The following STMN3 variants were observed in gnomAD, a reference collection of about 807,000 sequenced individuals.
The protein encoded by STMN3 is stathmin 3.
A neutral mutation model predicts 23.2 loss-of-function variants in STMN3; 24 were observed. That is an observed-to-expected ratio of 1.03 (90% CI 0.75 to 1.45). The LOEUF (loss-of-function observed/expected upper bound fraction) is 1.45, where lower values mean the gene tolerates loss of function less well. Among genes scored for constraint, STMN3 ranks in the 40% most tolerant of loss-of-function variants. The probability of loss-of-function intolerance (pLI) is 0.00; values close to 1 mark genes in which losing one functional copy is unlikely to be tolerated. For synonymous variants in STMN3, 117 were observed against 103.4 expected (o/e 1.13, Z -0.80); for missense variants, 235 against 237.6 (o/e 0.99, Z 0.07).
intron 1 of STMN3, 96 bp downstream of exon 1, chr20:63,653,231 A>G: frequency 6.9e-7 from 1 of 1,458,964 alleles, no homozygotes; most frequent in Non-Finnish European, 9.3e-7. Context: ...GAGAAGGGAA[A>G]TTGGCGTCCG....
chr20:63,647,696 TATA>T (rs2089821238), intron 1 of STMN3, among the ~76,000 whole-genome samples: 3 of 132,164 alleles, frequency 2.3e-5, no homozygotes, highest in African/African-American at 8.2e-5. Flanking sequence ...CGTGTATATA[TATA>T]ATATATATAC....
rs1428636265 is a variant in STMN3, at chr20:63,644,249, G to A, written c.80C>T (p.Thr27Ile). ...VLSLICSCFY[T>I]QPHPNTVYQY... ...GTAGACGGTATTGGGGTGCGGCTGT[G>A]TGTAGAAGCAGGAGCAGATGAGCGA... Residue 27 changes from threonine to isoleucine, a missense_variant, in exon 2 of 5, where the codon ACA becomes ATA. Transcript: ENST00000370053. The A allele has an allele frequency of 6.8e-6, 11 of 1,613,700 alleles. No homozygotes were observed. Among genetic ancestry groups the A allele is most frequent in the Non-Finnish European group, 9.3e-6 (11 of 1,179,836 alleles).
intron 1 of STMN3, among the ~76,000 whole-genome samples, chr20:63,646,692 A>G (rs1483846596): frequency 6.6e-6 from 1 of 151,940 alleles, no homozygotes; most frequent in Non-Finnish European, 1.5e-5. Context: ...TCTGTTGCCC[A>G]TGCTGGAGTG....
chr20:63,647,960 G>GTATATATA (rs1242712476), intron 1 of STMN3, among the ~76,000 whole-genome samples: 8 of 53,360 alleles, frequency 1.5e-4, no homozygotes, highest in African/African-American at 7.2e-4. Flanking sequence ...ATATATATAT[G>GTATATATA]TATATATATA....
rs1005288836 is a variant in STMN3 at position 63,652,564 on chromosome 20, G to A, written c.19+763C>T. The A allele has an allele frequency of 2.0e-6, 2 of 984,900 alleles. No homozygotes were observed. The highest frequency in any genetic ancestry group is 2.4e-6 in the Non-Finnish European group (2 of 829,610). The allele number at this position is 984,900 out of a possible 1,614,324, so 61.0% of individuals were successfully genotyped here. A position where few individuals can be genotyped will look rare whatever the true frequency, so the allele number is the denominator to read the frequency against. On this transcript the variant is annotated intron_variant, in intron 1 of 4. Transcript: ENST00000370053. This position sits in a 1 kb window ranked among gnomAD's most constrained non-coding sequence, Gnocchi z 5.3. ...GCGGGACGGGCCGGGAGGCCGGGGT[G>A]GGCGCTACCTTCGAAGGCGGTGGGT...
chr20:63,641,596 C>T (rs2089762666), intron 4 of STMN3, among the ~76,000 whole-genome samples, 199 bp from the exon 5 acceptor site: 1 of 152,178 alleles, frequency 6.6e-6, no homozygotes, highest in Non-Finnish European at 1.5e-5. Context: ...GACGGGTTTC[C>T]TGGGAGCTGG....
chr20:63,642,101 C>A lies in STMN3; in HGVS notation c.483+7G>T. On this transcript the variant is annotated splice_region_variant and intron_variant, in intron 4 of 4. Coordinates refer to ENST00000370053, the MANE Select transcript of STMN3 (RefSeq NM_015894.4). ...CTCCGAGCTCCGCCCCGGCCCCGCC[C>A]CCGCACCTTCTCGCGCAGCCGCTCG... 1.3e-6 allele frequency: 2 copies of A among 1,502,682 alleles called. No individual in the cohort carries two copies. The highest frequency in any genetic ancestry group is 5.8e-5 in the East Asian group (2 of 34,420). 93.1% of individuals were successfully genotyped at this position (1,502,682 alleles called of 1,614,324 possible). A position where few individuals can be genotyped will look rare whatever the true frequency, so the allele number is the denominator to read the frequency against.
At chr20:63,643,473 GT>G (rs2089784286) in intron 3 of STMN3, among the ~76,000 whole-genome samples, 1 of 152,156 alleles carries the variant, frequency 6.6e-6, no homozygotes, top group East Asian at 1.9e-4. Flanking sequence ...TACAGATGGG[GT>G]TTCACCATGT....
At chr20:63,643,648 A>G in intron 3 of STMN3, 108 bp downstream of exon 3, 3 of 1,406,162 alleles carry the variant, frequency 2.1e-6, no homozygotes, top group Non-Finnish European at 9.2e-7. Context: ...GCTCCAGGCC[A>G]AGGCACTGAC....
rs773832800 is a variant in STMN3 at position 63,644,216 on chromosome 20, C to T, written c.113G>A (p.Gly38Glu). 6.2e-7 allele frequency: 1 copy of T among 1,612,470 alleles called. No individual in the cohort carries two copies. Among genetic ancestry groups the T allele is most frequent in the Non-Finnish European group, 8.5e-7 (1 of 1,178,936 alleles). ...GCAGGCGGCAGCCAGGCACTCACCCCCGTACTGGTAGACGGTATTGGGGTG... is the reference window on the plus strand; with the variant it reads ...GCAGGCGGCAGCCAGGCACTCACCCTCGTACTGGTAGACGGTATTGGGGTG... ...QPHPNTVYQY[G>E]DMEVKQLDKR... The change falls in exon 2 of 5, where the codon GGG becomes GAG. Residue 38 changes from glycine (G) to glutamate (E), a missense_variant and splice_region_variant. Transcript: ENST00000370053.
At chr20:63,649,985 C>G (rs6010989) in intron 1 of STMN3, among the ~76,000 whole-genome samples, 1 of 151,926 alleles carries the variant, frequency 6.6e-6, no homozygotes, top group Non-Finnish European at 1.5e-5. Context: ...TGCCACCATG[C>G]CCAGCTAATT....
intron 1 of STMN3, among the ~76,000 whole-genome samples, chr20:63,647,714 GTATA>G (rs201673143): frequency 9.2e-6 from 1 of 109,054 alleles, no homozygotes; most frequent in African/African-American, 3.3e-5. Flanking sequence ...ATATACACGT[GTATA>G]TATATTATAT....
Position 63,653,331 on chromosome 20 carries a change from AATGGTGCTGGCC to A in STMN3, c.3_14del (p.MetAlaSerThr1_?4), listed in dbSNP as rs1433591542. The A allele has an allele frequency of 1.4e-5, 21 of 1,545,228 alleles. No individual in the cohort carries two copies. The highest frequency in any genetic ancestry group is 1.8e-5 in the Non-Finnish European group (21 of 1,144,840). ...GCCCGTGGCCCCGGAGCCTACCGGA[AATGGTGCTGGCC>A]ATGGTGCTGGCGGCGGTTGGGCCTG... On this transcript the variant is annotated start_lost and inframe_deletion, in exon 1 of 5. Coordinates refer to ENST00000370053, the MANE Select transcript of STMN3 (RefSeq NM_015894.4).
rs1555896669 is a variant in STMN3, at chr20:63,640,562, G to GGGAGGGGCGGTGGGGCTGTCCCAC, written c.*775_*776insGTGGGACAGCCCCACCGCCCCTCC. On this transcript the variant is annotated 3_prime_UTR_variant, in exon 5 of 5. Coordinates refer to ENST00000370053, the MANE Select transcript of STMN3 (RefSeq NM_015894.4). ...CAAGGACATCTGCAAAGCCCTGGTGGGGAGGGGCCTGGGCCAGAGGCTCTT... is the reference window on the plus strand; with the variant it reads ...CAAGGACATCTGCAAAGCCCTGGTGGGGAGGGGCGGTGGGGCTGTCCCACGGAGGGGCCTGGGCCAGAGGCTCTT... 7.5e-5 allele frequency: 3 copies of GGGAGGGGCGGTGGGGCTGTCCCAC among 39,810 alleles called. No homozygotes were observed. The African/African-American group carries it at 7.8e-4, about 10-fold the overall frequency. 2.5% of individuals were successfully genotyped at this position (39,810 alleles called of 1,614,324 possible). A position where few individuals can be genotyped will look rare whatever the true frequency, so the allele number is the denominator to read the frequency against.
intron 4 of STMN3, among the ~76,000 whole-genome samples, 184 bp downstream of exon 4, chr20:63,641,924 C>CCCTAG: frequency 1.5e-5 from 2 of 131,992 alleles, no homozygotes; most frequent in Non-Finnish European, 3.3e-5. Context: ...CCGAGCTCCG[C>CCCTAG]CCCGGCCCCG....
intron 1 of STMN3, among the ~76,000 whole-genome samples, chr20:63,651,690 G>T (rs2089859777): frequency 6.6e-6 from 1 of 152,196 alleles, no homozygotes; most frequent in African/African-American, 2.4e-5. Context: ...CTCAGAACAA[G>T]CCCCAGGAGA....
Position 63,652,685 on chromosome 20 carries a change from C to T in STMN3, c.19+642G>A. 1.0e-6 allele frequency: 1 copy of T among 985,800 alleles called. No individual in the cohort carries two copies. Among genetic ancestry groups the T allele is most frequent in the Non-Finnish European group, 1.2e-6 (1 of 830,238 alleles). 61.1% of individuals were successfully genotyped at this position (985,800 alleles called of 1,614,324 possible). A position where few individuals can be genotyped will look rare whatever the true frequency, so the allele number is the denominator to read the frequency against. On this transcript the variant is annotated intron_variant, in intron 1 of 4. Transcript: ENST00000370053. The surrounding 1 kb of genome is among the most constrained non-coding windows in gnomAD (Gnocchi z 5.3). ...TCGCCCCTCCCCCATCCAGACCCCGCGGCGCAAAGGGCAGTGGCTTTTCTG... is the reference window on the plus strand; with the variant it reads ...TCGCCCCTCCCCCATCCAGACCCCGTGGCGCAAAGGGCAGTGGCTTTTCTG...
intron 1 of STMN3, 128 bp downstream of exon 1, chr20:63,653,199 A>T (rs900306603): frequency 8.0e-7 from 1 of 1,243,702 alleles, no homozygotes; most frequent in African/African-American, 1.6e-5. Context: ...GGTCGGGCCC[A>T]GGCTTGCAAC....
chr20:63,643,072 C>T (rs2089781642), intron 3 of STMN3, among the ~76,000 whole-genome samples: 1 of 152,136 alleles, frequency 6.6e-6, no homozygotes, highest in African/African-American at 2.4e-5. Context: ...CTCCAGCAAG[C>T]CTCAGGGTCT....
Sources: allele counts gnomAD v4.1 joint callset (sites outside exome capture counted in the v4.1 genomes callset), GRCh38; gene constraint gnomAD v4.1.1; non-coding constraint Gnocchi (gnomAD v3.1); transcripts MANE v1.5; gene names NCBI Gene and HGNC (gene_info 2026-07-23, HGNC 2026-07-21).